The following CD2 variants were observed in gnomAD, a reference collection of about 807,000 sequenced individuals.
CD2 encodes CD2 molecule.
A neutral mutation model predicts 23.2 loss-of-function variants in CD2; 18 were observed. That is an observed-to-expected ratio of 0.77 (90% confidence interval 0.54 to 1.15). The LOEUF (loss-of-function observed/expected upper bound fraction) is 1.15. Ranked by LOEUF, CD2 falls within the 50% of genes most tolerant of loss-of-function variation. The pLI is 0.00. For synonymous variants in CD2, 162 were observed against 151.9 expected (o/e 1.07, Z -0.49); for missense variants, 424 against 423.1 (o/e 1.00, Z -0.02).
chr1:116,765,430 C>T lies in CD2; in HGVS notation c.736+824C>T, dbSNP rs530403007. Reference sequence around the variant, plus strand: ...GTGCTGCCCAGGGAGGTGGTCCAAACTTCCCCAGGCACCGGTGGCCTTGGG... The same window carrying T: ...GTGCTGCCCAGGGAGGTGGTCCAAATTTCCCCAGGCACCGGTGGCCTTGGG... On this transcript the variant is annotated intron_variant, in intron 4 of 4. Coordinates refer to ENST00000369478, the MANE Select transcript of CD2 (RefSeq NM_001767.5). Among the ~76,000 whole-genome samples, 3 of 152,326 alleles carry T rather than the reference C, an allele frequency of 2.0e-5. No individual in the cohort carries two copies. The East Asian group carries it at 5.8e-4, about 29-fold the overall frequency.
At chr1:116,755,350 C>T (rs944713395) in intron 2 of CD2, among the ~76,000 whole-genome samples, 1 of 152,172 alleles carries the variant, frequency 6.6e-6, no homozygotes, top group East Asian at 1.9e-4. Context: ...GGCCTTTCAT[C>T]GACAGAGCCC....
At chr1:116,755,332 G>A (rs1311566856) in intron 2 of CD2, among the ~76,000 whole-genome samples, 1 of 152,232 alleles carries the variant, frequency 6.6e-6, no homozygotes, top group Non-Finnish European at 1.5e-5. Context: ...GCTGACTGGA[G>A]AGCAGCGGGC....
chr1:116,755,107 G>A (rs948199040), intron 2 of CD2, 156 bp downstream of exon 2: 21 of 623,966 alleles, frequency 3.4e-5, no homozygotes, highest in African/African-American at 2.8e-4. Flanking sequence ...GGAGACTGTG[G>A]TCCAATGCGG....
chr1:116,762,385 G>A (rs1295034287), intron 3 of CD2, among the ~76,000 whole-genome samples: 1 of 152,274 alleles, frequency 6.6e-6, no homozygotes, highest in East Asian at 1.9e-4. Context: ...GAGCAGCCAA[G>A]GTTTGAAGGC....
chr1:116,755,953 A>C (rs1651834176), intron 2 of CD2, among the ~76,000 whole-genome samples: 1 of 152,158 alleles, frequency 6.6e-6, no homozygotes, highest in African/African-American at 2.4e-5. Context: ...CAGGCCAGCC[A>C]TTCAGTGAGC....
intron 4 of CD2, among the ~76,000 whole-genome samples, chr1:116,766,416 C>T (rs545804056): frequency 1.3e-5 from 2 of 152,336 alleles, no homozygotes; most frequent in South Asian, 4.1e-4. Context: ...TGGCCCTGGG[C>T]TCTTCACAGA....
At chr1:116,761,164 C>T (rs542048181) in intron 3 of CD2, among the ~76,000 whole-genome samples, 14 of 152,276 alleles carry the variant, frequency 9.2e-5, no homozygotes, top group East Asian at 5.8e-4. Flanking sequence ...CACAACAGGA[C>T]GGCAAGGCTT....
At chr1:116,761,008 T>A (rs1652032331) in intron 3 of CD2, among the ~76,000 whole-genome samples, 1 of 152,102 alleles carries the variant, frequency 6.6e-6, no homozygotes, top group Admixed American at 6.5e-5. Context: ...TGATTCCAAC[T>A]GCTCCCCTAA....
At position 116,755,055 on chromosome 1, in the gene CD2, G is replaced by T. The variant is rs369410847; in HGVS notation, c.382+104G>T. On this transcript the variant is annotated intron_variant, in intron 2 of 4. Transcript: ENST00000369478. ...CCCCAGCGCTGACCTCTGCCTCCAG[G>T]GGGGCTATACAGGAAACCAGATGCA... 30 of 781,494 alleles carry T rather than the reference G, an allele frequency of 3.8e-5. No homozygotes were observed. In the South Asian group the frequency reaches 4.9e-4, roughly 13 times the overall value. 48.4% of individuals were successfully genotyped at this position (781,494 alleles called of 1,614,324 possible). A position where few individuals can be genotyped will look rare whatever the true frequency, so the allele number is the denominator to read the frequency against.
chr1:116,760,583 A>C lies in CD2; in HGVS notation c.564A>C (p.Ala188=), dbSNP rs1056213931. ...TGAGTGCAAAATTCAAGTGCACAGC[A>C]GGGAACAAAGTCAGCAAGGAATCCA... ...TSLSAKFKCT[A]GNKVSKESSV... is the part of the protein sequence containing the mutation. Residue 188 remains alanine (A), a synonymous_variant, in exon 3 of 5, where the codon GCA becomes GCC. Coordinates refer to ENST00000369478, the MANE Select transcript of CD2 (RefSeq NM_001767.5). The C allele has an allele frequency of 1.9e-6, 3 of 1,614,214 alleles. No individual in the cohort carries two copies. Among genetic ancestry groups the C allele is most frequent in the Non-Finnish European group, 2.5e-6 (3 of 1,180,022 alleles).
At chr1:116,757,750 TATAGAG>T (rs922258520) in intron 2 of CD2, among the ~76,000 whole-genome samples, 1 of 149,222 alleles carries the variant, frequency 6.7e-6, no homozygotes, top group Admixed American at 6.8e-5. Context: ...CATATATATA[TATAGAG>T]AGAGAGAGAG....
chr1:116,760,681 A>T, intron 3 of CD2, 49 bp downstream of exon 3: 1 of 1,421,982 alleles, frequency 7.0e-7, no homozygotes, highest in Non-Finnish European at 9.9e-7. Flanking sequence ...GGCCCTCAGT[A>T]GGCAGAGGCA....
At chr1:116,759,919 T>C (rs1416545321) in intron 2 of CD2, among the ~76,000 whole-genome samples, 1 of 152,200 alleles carries the variant, frequency 6.6e-6, no homozygotes, top group Admixed American at 6.5e-5. Context: ...ATGTGGTGAT[T>C]CCTCCAGGAT....
rs143289040 is a variant in CD2 at position 116,754,734 on chromosome 1, C to G, written c.165C>G (p.Asp55Glu). ...GTTTTCAAATGAGTGATGATATTGA[C>G]GATATAAAATGGGAAAAAACTTCAG... The part of the protein sequence containing the change: ...IPSFQMSDDI[D>E]DIKWEKTSDK... Residue 55 changes from aspartate to glutamate, a missense_variant, in exon 2 of 5, where the codon GAC (aspartate) becomes GAG (glutamate). Coordinates refer to ENST00000369478, the MANE Select transcript of CD2 (RefSeq NM_001767.5). The G allele has an allele frequency of 2.5e-6, 4 of 1,612,660 alleles. No individual in the cohort carries two copies. Among genetic ancestry groups the G allele is most frequent in the Non-Finnish European group, 1.7e-6 (2 of 1,179,334 alleles).
At chr1:116,758,856 C>G (rs1037282060) in intron 2 of CD2, among the ~76,000 whole-genome samples, 1 of 152,122 alleles carries the variant, frequency 6.6e-6, no homozygotes, top group Non-Finnish European at 1.5e-5. Flanking sequence ...AAACAGAGAC[C>G]TAGTCAGAAG....
In CD2 at chr1:116,768,749, C is replaced by A. The variant is rs761964462; in HGVS notation, c.1022C>A (p.Ala341Glu). The A allele has an allele frequency of 1.7e-5, 27 of 1,613,422 alleles. No individual in the cohort carries two copies. The highest frequency in any genetic ancestry group is 3.3e-5 in the Admixed American group (2 of 59,876). The change falls in exon 5 of 5, where the codon GCA becomes GAA. Residue 341 changes from alanine (A) to glutamate (E), a missense_variant. By Grantham distance (107) the Ala-to-Glu change is moderately radical. Transcript: ENST00000369478. ...GTTCAGCCAAAACCTCCCCATGGGGCAGCAGAAAACTCATTGTCCCCTTCC... is the reference window on the plus strand; with the variant it reads ...GTTCAGCCAAAACCTCCCCATGGGGAAGCAGAAAACTCATTGTCCCCTTCC... ...PRVQPKPPHG[A>E]AENSLSPSSN
chr1:116,757,752 T>TAGAGAG (rs369185297), intron 2 of CD2, among the ~76,000 whole-genome samples: 1 of 140,632 alleles, frequency 7.1e-6, no homozygotes, highest in Admixed American at 7.3e-5. Flanking sequence ...TATATATATA[T>TAGAGAG]AGAGAGAGAG....
At position 116,769,068 on chromosome 1, in the gene CD2, C is replaced by T. The variant is rs1388129590; in HGVS notation, c.*285C>T. 8 of 382,594 alleles carry T rather than the reference C, an allele frequency of 2.1e-5. No individual in the cohort carries two copies. The East Asian group carries it at 3.4e-4, about 16-fold the overall frequency. The allele number at this position is 382,594 out of a possible 1,614,324, so 23.7% of individuals were successfully genotyped here. On this transcript the variant is annotated 3_prime_UTR_variant, in exon 5 of 5. Coordinates refer to ENST00000369478, the MANE Select transcript of CD2 (RefSeq NM_001767.5). ...CAGAAATCTTAGAGATTTCTTGTCCCCTCTCAGGTCATGTGTAGATGCGAT... is the reference window on the plus strand; with the variant it reads ...CAGAAATCTTAGAGATTTCTTGTCCTCTCTCAGGTCATGTGTAGATGCGAT...
intron 4 of CD2, among the ~76,000 whole-genome samples, chr1:116,767,382 G>A (rs373452879): frequency 3.3e-5 from 5 of 151,906 alleles, no homozygotes; most frequent in Non-Finnish European, 5.9e-5. Flanking sequence ...TCACCTGGTC[G>A]GGAGTTCGAG....
Sources: gnomAD v4.1 joint callset for allele counts (sites outside exome capture counted in the v4.1 genomes callset) on GRCh38, gnomAD v4.1.1 for gene constraint, MANE v1.5 for transcripts, NCBI Gene and HGNC (gene_info 2026-07-23, HGNC 2026-07-21) for gene names.